The following SYTL5 variants were observed in gnomAD, a reference collection of about 807,000 sequenced individuals.
SYTL5 encodes the protein synaptotagmin-like protein 5.
SYTL5 carries 34 observed loss-of-function variants against 55.9 expected under a neutral mutation model. That is an observed-to-expected ratio of 0.61 (90% CI 0.46 to 0.81). The LOEUF (loss-of-function observed/expected upper bound fraction) is 0.81, where lower values mean the gene tolerates loss of function less well. Among genes scored for constraint, SYTL5 ranks in the 30% least tolerant of loss-of-function variants. SYTL5 has a pLI of 0.00. For missense variants in SYTL5, 637 were observed against 546.7 expected (o/e 1.17, Z -1.65); for synonymous variants, 221 against 188.7 (o/e 1.17, Z -1.40).
rs73632461 is a variant in SYTL5, at chrX:38,108,531, C to T, written c.1335-69C>T. The T allele has an allele frequency of 5.6e-4, 458 of 819,152 alleles. 1 individual carries two copies. In the African/African-American group the frequency reaches 8.7e-3, roughly 16 times the overall value. 67.5% of individuals were successfully genotyped at this position (819,152 alleles called of 1,213,427 possible). On this transcript the variant is annotated intron_variant, in intron 11 of 16. Transcript: ENST00000297875. ...GGCCCTTTGCCCCTTTTATTCACAG[C>T]GAAGTCTTTGAACATTTCTTGCAAA...
At chrX:38,055,833 G>A (rs1935764579) in intron 3 of SYTL5, among the ~76,000 whole-genome samples, 1 of 111,576 alleles carries the variant, frequency 9.0e-6, no homozygotes, top group African/African-American at 3.3e-5. Context: ...GGTTATTTTT[G>A]TGAATACATA....
chrX:37,996,250 C>A, the SYTL5 span, among the ~76,000 whole-genome samples: 1 of 112,037 alleles, frequency 8.9e-6, no homozygotes, highest in Admixed American at 9.4e-5. Context: ...TAATGCATCA[C>A]CCTGCCAGAT....
chrX:38,022,824 C>A (rs1366824960), intron 1 of SYTL5, among the ~76,000 whole-genome samples: 1 of 111,605 alleles, frequency 9.0e-6, no homozygotes. Flanking sequence ...TTAAGTAGAT[C>A]CCTGTGGATA....
At position 38,033,900 on chromosome X, in the gene SYTL5, A is replaced by G. The variant is rs759046040; in HGVS notation, c.11A>G (p.Asn4Ser). The G allele has an allele frequency of 5.1e-6, 6 of 1,172,384 alleles. No individual in the cohort carries two copies. In the East Asian group the frequency reaches 1.5e-4, roughly 29 times the overall value. MSK[N>S]SEFINLSFLL... ...TGCTGCTGAAATACCATGTCTAAGA[A>G]CTCAGAGTTCATCAATCTGTCATTT... is the stretch of plus-strand genomic sequence containing the variant. Residue 4 changes from asparagine (N) to serine (S), a missense_variant, in exon 2 of 17, where the codon AAC (asparagine) becomes AGC (serine). Physicochemically the swap from Asn to Ser is conservative, Grantham distance 46. Coordinates refer to ENST00000297875, the MANE Select transcript of SYTL5 (RefSeq NM_138780.3).
chrX:37,990,882 A>G, the SYTL5 span: 3 of 1,208,609 alleles, frequency 2.5e-6, no homozygotes, highest in African/African-American at 5.3e-5. Context: ...TACAAATAAC[A>G]ACCAGACTCA....
the SYTL5 span, among the ~76,000 whole-genome samples, chrX:37,889,669 G>T: frequency 9.0e-6 from 1 of 110,921 alleles, no homozygotes; most frequent in East Asian, 2.8e-4. Flanking sequence ...CCACCCAGTG[G>T]AAAATAATTG....
At chrX:37,918,198 C>T in the SYTL5 span, among the ~76,000 whole-genome samples, 1,082 of 111,783 alleles carry the variant, frequency 9.7e-3, 12 homozygotes, top group African/African-American at 0.034. Flanking sequence ...CTGAGGTTGA[C>T]TATGTGACTT....
intron 9 of SYTL5, among the ~76,000 whole-genome samples, 157 bp downstream of exon 9, chrX:38,096,391 C>A (rs1478243859): frequency 1.8e-5 from 2 of 110,936 alleles, no homozygotes; most frequent in African/African-American, 6.5e-5. Flanking sequence ...ACATAAAAAC[C>A]GAAAGAATAA....
chrX:37,964,263 C>T, the SYTL5 span, among the ~76,000 whole-genome samples: 1 of 111,678 alleles, frequency 9.0e-6, no homozygotes, highest in African/African-American at 3.3e-5. Context: ...AAAAATCTGC[C>T]TGGGCCTTGA....
the SYTL5 span, among the ~76,000 whole-genome samples, chrX:37,913,948 T>G: frequency 4.5e-5 from 5 of 112,266 alleles, no homozygotes; most frequent in Non-Finnish European, 9.4e-5. Flanking sequence ...TAACCTTCTG[T>G]GTAACCTTGA....
chrX:38,118,976 C>A (rs143096920), intron 13 of SYTL5, among the ~76,000 whole-genome samples: 23 of 88,932 alleles, frequency 2.6e-4, no homozygotes, highest in Non-Finnish European at 4.3e-4. Context: ...TATATATGTA[C>A]GCATATACAT....
In SYTL5 at chrX:38,093,895, G is replaced by A. The variant is rs759314797; in HGVS notation, c.832-400G>A. Among the ~76,000 whole-genome samples the A allele has an allele frequency of 2.7e-5, 3 of 110,180 alleles. No homozygotes were observed. In the South Asian group the frequency reaches 1.2e-3, roughly 44 times the overall value. ...TTGAAGAGAGGGTATGTTGAAAGAG[G>A]GAACAAAATAGGACCAAACAGAGTT... On this transcript the variant is annotated intron_variant, in intron 7 of 16. Coordinates refer to ENST00000297875, the MANE Select transcript of SYTL5 (RefSeq NM_138780.3).
At chrX:37,905,919 C>G in the SYTL5 span, among the ~76,000 whole-genome samples, 2 of 112,986 alleles carry the variant, frequency 1.8e-5, no homozygotes, top group Non-Finnish European at 3.8e-5. Flanking sequence ...CTGGAGACCG[C>G]GTCTCTCGAG....
At chrX:38,063,760 C>T (rs1936018809) in intron 3 of SYTL5, among the ~76,000 whole-genome samples, 1 of 112,208 alleles carries the variant, frequency 8.9e-6, no homozygotes, top group South Asian at 3.7e-4. Context: ...TTCATCTACA[C>T]TGTTGTTACA....
In SYTL5 at chrX:38,054,188, G is replaced by A. The variant is rs769484187; in HGVS notation, c.120-25G>A. On this transcript the variant is annotated intron_variant, in intron 2 of 16. Coordinates refer to ENST00000297875, the MANE Select transcript of SYTL5 (RefSeq NM_138780.3). The stretch of plus-strand genomic sequence containing the variant: ...TCTGCTCCTGTTTGTTTTTTTAAGT[G>A]ATTTTTTTTCCCCTCTTCTTTCAGG... 2.6e-6 allele frequency: 3 copies of A among 1,139,322 alleles called. No individual in the cohort carries two copies. In the South Asian group the frequency reaches 5.7e-5, roughly 21 times the overall value. The allele number at this position is 1,139,322 out of a possible 1,213,427, so 93.9% of individuals were successfully genotyped here.
At chrX:37,922,804 C>T in the SYTL5 span, among the ~76,000 whole-genome samples, 1 of 111,331 alleles carries the variant, frequency 9.0e-6, no homozygotes, top group Non-Finnish European at 1.9e-5. Flanking sequence ...TTACGTGTGT[C>T]ACAAGCTTAA....
chrX:37,900,649 A>G, the SYTL5 span, among the ~76,000 whole-genome samples: 1 of 112,309 alleles, frequency 8.9e-6, no homozygotes, highest in Non-Finnish European at 1.9e-5. Flanking sequence ...TTTTACATGT[A>G]GTGGCATCAT....
chrX:38,030,343 C>G (rs1421603882), intron 1 of SYTL5, among the ~76,000 whole-genome samples: 1 of 111,945 alleles, frequency 8.9e-6, no homozygotes, highest in Non-Finnish European at 1.9e-5. Flanking sequence ...TATCCATTTC[C>G]AATTCCTGGA....
intron 3 of SYTL5, among the ~76,000 whole-genome samples, chrX:38,063,543 T>C (rs1465422926): frequency 8.9e-6 from 1 of 111,894 alleles, no homozygotes; most frequent in Admixed American, 9.5e-5. Flanking sequence ...GTCTAAGAAT[T>C]AGAACATCTT....
Sources: gnomAD v4.1 joint callset for allele counts (sites outside exome capture counted in the v4.1 genomes callset) on GRCh38, gnomAD v4.1.1 for gene constraint, MANE v1.5 for transcripts, NCBI Gene and HGNC (gene_info 2026-07-23, HGNC 2026-07-21) for gene names.